ARL15: variants seen among roughly 807,000 people sequenced by gnomAD.
ARL15 encodes ARF like GTPase 15.
Under a neutral mutation model 25.2 loss-of-function variants are expected in ARL15, and 19 were observed. The ratio of observed to expected loss-of-function variants is 0.75; its 90% CI spans 0.53 to 1.10. ARL15 has a LOEUF of 1.10. ARL15 is among the 50% of genes least tolerant of loss of function. The pLI, the probability that ARL15 is intolerant of heterozygous loss-of-function variation, is 0.00. For synonymous variants in ARL15, 94 were observed against 86.8 expected (o/e 1.08, Z -0.46); for missense variants, 220 against 246.0 (o/e 0.89, Z 0.71).
intron 1 of ARL15, among the ~76,000 whole-genome samples, chr5:54,288,444 T>A (rs952429035): frequency 1.3e-5 from 2 of 152,226 alleles, no homozygotes; most frequent in African/African-American, 4.8e-5. Context: ...CTTGGGGCCC[T>A]AATGACTTCT....
intron 4 of ARL15, among the ~76,000 whole-genome samples, chr5:54,009,402 GT>G (rs1376799201): frequency 6.6e-6 from 1 of 151,970 alleles, no homozygotes; most frequent in Admixed American, 6.6e-5. Context: ...GATTTGTAAG[GT>G]TTTTTTAAAG....
chr5:54,132,326 A>G (rs565141089), intron 3 of ARL15, among the ~76,000 whole-genome samples: 1 of 152,184 alleles, frequency 6.6e-6, no homozygotes, highest in East Asian at 1.9e-4. Context: ...TTAATATAAT[A>G]AACATTTTAA....
intron 1 of ARL15, among the ~76,000 whole-genome samples, chr5:54,220,245 T>A (rs1756333297): frequency 6.6e-6 from 1 of 152,188 alleles, no homozygotes; most frequent in Admixed American, 6.5e-5. Context: ...TACTTTACCA[T>A]AAAGATCAAA....
intron 1 of ARL15, among the ~76,000 whole-genome samples, chr5:54,258,587 T>C (rs1489852479): frequency 6.6e-6 from 1 of 152,204 alleles, no homozygotes; most frequent in Non-Finnish European, 1.5e-5. Flanking sequence ...ATTCCCATAC[T>C]GTCCCTAGAA....
At chr5:54,149,606 G>T (rs997088235) in intron 3 of ARL15, among the ~76,000 whole-genome samples, 4 of 152,112 alleles carry the variant, frequency 2.6e-5, no homozygotes, top group Admixed American at 6.6e-5. Flanking sequence ...AGGATTATAT[G>T]ACATAGGAAC....
At chr5:53,907,861 C>A (rs901875519) in intron 4 of ARL15, among the ~76,000 whole-genome samples, 1 of 151,774 alleles carries the variant, frequency 6.6e-6, no homozygotes, top group Non-Finnish European at 1.5e-5. Flanking sequence ...TGGAAGAGAC[C>A]CTCTACACTC....
At chr5:53,928,755 T>G (rs936678675) in intron 4 of ARL15, among the ~76,000 whole-genome samples, 2 of 152,244 alleles carry the variant, frequency 1.3e-5, no homozygotes, top group African/African-American at 4.8e-5. Context: ...AAGAATATTA[T>G]ACAATGCTCA....
intron 1 of ARL15, among the ~76,000 whole-genome samples, chr5:54,306,727 G>C (rs35943): frequency 6.6e-6 from 1 of 151,212 alleles, no homozygotes; most frequent in Non-Finnish European, 1.5e-5. Flanking sequence ...GAAAAGCAAC[G>C]TACTGTTTAC....
At chr5:54,217,628 C>T (rs549587825) in intron 1 of ARL15, among the ~76,000 whole-genome samples, 22 of 152,158 alleles carry the variant, frequency 1.4e-4, no homozygotes, top group Admixed American at 7.9e-4. Flanking sequence ...GCAAGGCATA[C>T]ATGTAGACCT....
intron 3 of ARL15, among the ~76,000 whole-genome samples, chr5:54,149,136 G>A (rs938694351): frequency 8.5e-5 from 13 of 152,108 alleles, no homozygotes; most frequent in Admixed American, 7.2e-4. Flanking sequence ...TTCATAATGC[G>A]GTTAAAGTAC....
chr5:54,118,756 A>C (rs1477870080), intron 3 of ARL15, among the ~76,000 whole-genome samples: 1 of 152,178 alleles, frequency 6.6e-6, no homozygotes, highest in African/African-American at 2.4e-5. Flanking sequence ...TCGGAATTCT[A>C]ACCCAGTGAT....
At chr5:54,086,567 G>A (rs1483667803) in intron 4 of ARL15, among the ~76,000 whole-genome samples, 4 of 151,666 alleles carry the variant, frequency 2.6e-5, no homozygotes, top group Admixed American at 1.3e-4. Flanking sequence ...TAACTGTAAT[G>A]TATTTTATGA....
intron 4 of ARL15, among the ~76,000 whole-genome samples, chr5:54,111,960 C>A (rs1227167086): frequency 1.3e-5 from 2 of 152,058 alleles, no homozygotes; most frequent in Non-Finnish European, 2.9e-5. Context: ...TAATGACTTT[C>A]TGAATAGATT....
At chr5:54,005,878 A>AAC (rs369559936) in intron 4 of ARL15, among the ~76,000 whole-genome samples, 39,776 of 148,252 alleles carry the variant, frequency 0.27, 5,618 homozygotes, top group East Asian at 0.44. Flanking sequence ...AAAAAACCAA[A>AAC]AAAACCCAAA....
intron 1 of ARL15, among the ~76,000 whole-genome samples, chr5:54,271,256 C>T (rs895507963): frequency 3.3e-5 from 5 of 152,166 alleles, no homozygotes; most frequent in African/African-American, 7.2e-5. Flanking sequence ...TAATAAATCC[C>T]CTCTTATAGA....
At chr5:53,906,168 G>A (rs1310820187) in intron 4 of ARL15, among the ~76,000 whole-genome samples, 7 of 152,124 alleles carry the variant, frequency 4.6e-5, no homozygotes. Flanking sequence ...TCCTGCAGCT[G>A]CTGAAATACT....
intron 4 of ARL15, among the ~76,000 whole-genome samples, chr5:53,905,698 T>C (rs530121128): frequency 6.6e-6 from 1 of 152,306 alleles, no homozygotes; most frequent in Non-Finnish European, 1.5e-5. Context: ...ACCAAATTCA[T>C]TTTTCCTTTG....
chr5:54,158,354 C>A (rs277329), intron 2 of ARL15, among the ~76,000 whole-genome samples: 31,769 of 152,026 alleles, frequency 0.21, 4,022 homozygotes, highest in East Asian at 0.68. Flanking sequence ...GTATTCAGTA[C>A]CCCTCCTAGG....
intron 4 of ARL15, among the ~76,000 whole-genome samples, chr5:54,077,076 A>G (rs1300650124): frequency 6.6e-6 from 1 of 152,232 alleles, no homozygotes; most frequent in African/African-American, 2.4e-5. Flanking sequence ...AAGACTTAAC[A>G]GGGAGAAATT....
Sources: allele counts gnomAD v4.1 joint callset (sites outside exome capture counted in the v4.1 genomes callset), GRCh38; gene constraint gnomAD v4.1.1; transcripts MANE v1.5; gene names NCBI Gene and HGNC (gene_info 2026-07-23, HGNC 2026-07-21).